Variants in ROBO2 observed in about 807,000 individuals in gnomAD.
The protein encoded by ROBO2 is roundabout guidance receptor 2.
In ROBO2, 53 loss-of-function variants were observed where a neutral mutation model predicts 160.8. The ratio of observed to expected loss-of-function variants is 0.33; its 90% CI spans 0.26 to 0.41. ROBO2 has a LOEUF of 0.41. Among genes scored for constraint, ROBO2 ranks in the 10% least tolerant of loss-of-function variants. The pLI is 1.00. For synonymous variants in ROBO2, 664 were observed against 611.7 expected, an observed-to-expected ratio of 1.09 and a Z score of -1.26; for missense variants, 1,577 against 1,722.4, an observed-to-expected ratio of 0.92 and a Z score of 1.49.
rs186486913 is a variant in ROBO2, at chr3:77,313,864, G to A, written c.389-163550G>A. ...CTCCCAAAGTGCTGGGATTACAGGT[G>A]TGAGCCACCGCCCCTGGCCAGGATC... On this transcript the variant is annotated intron_variant, in intron 2 of 25. Transcript: ENST00000461745. Among the ~76,000 whole-genome samples the A allele has an allele frequency of 2.1e-3, 316 of 152,276 alleles. 2 individuals carry two copies. The highest frequency in any genetic ancestry group is 7.3e-3 in the African/African-American group (302 of 41,552).
chr3:77,420,675 C>T (rs2077634336), intron 2 of ROBO2, among the ~76,000 whole-genome samples: 1 of 152,114 alleles, frequency 6.6e-6, no homozygotes, highest in African/African-American at 2.4e-5. Context: ...GTCAGATATT[C>T]ATATAGAAAA....
At chr3:77,488,393 C>T (rs1385368228) in intron 4 of ROBO2, among the ~76,000 whole-genome samples, 3 of 152,168 alleles carry the variant, frequency 2.0e-5, no homozygotes, top group South Asian at 2.1e-4. Flanking sequence ...AGTCAGCAAA[C>T]GACCCTTGAG....
chr3:77,014,120 A>G (rs1256403303), intron 2 of ROBO2, among the ~76,000 whole-genome samples: 5 of 152,158 alleles, frequency 3.3e-5, no homozygotes, highest in South Asian at 2.1e-4. Flanking sequence ...AAATCATTAC[A>G]GTTGTGTGAA....
chr3:77,060,996 T>G (rs1293251941), intron 1 of ROBO2, among the ~76,000 whole-genome samples: 1 of 151,954 alleles, frequency 6.6e-6, no homozygotes, highest in Non-Finnish European at 1.5e-5. Flanking sequence ...AAGACAGTGG[T>G]GCAATCATAG....
intron 2 of ROBO2, among the ~76,000 whole-genome samples, chr3:76,612,335 G>A (rs147308818): frequency 0.01 from 1,562 of 152,224 alleles, 29 homozygotes; most frequent in African/African-American, 0.031. Flanking sequence ...ATAATCTGTC[G>A]AATGCTGAGA....
chr3:77,260,513 T>G (rs934182405), intron 2 of ROBO2, among the ~76,000 whole-genome samples: 3 of 152,162 alleles, frequency 2.0e-5, no homozygotes, highest in Admixed American at 2.0e-4. Flanking sequence ...ATTTAGGGAA[T>G]TCCTCAAAGG....
intron 2 of ROBO2, among the ~76,000 whole-genome samples, chr3:77,277,944 T>C (rs2059998679): frequency 7.3e-6 from 1 of 136,950 alleles, no homozygotes; most frequent in Non-Finnish European, 1.7e-5. Flanking sequence ...AACATTTCTT[T>C]TTCTCTGCAA....
intron 2 of ROBO2, among the ~76,000 whole-genome samples, chr3:76,957,886 A>T (rs2079390591): frequency 6.6e-6 from 1 of 151,754 alleles, no homozygotes; most frequent in Non-Finnish European, 1.5e-5. Context: ...AATGAGCCTG[A>T]GGATGCTGTG....
Position 77,104,545 on chromosome 3 carries a change from T to C in ROBO2, c.388+6205T>C, listed in dbSNP as rs191974377. ...TTGCTATGGAAATTTTGATACACAT[T>C]TTTGTGTGCACATATGGTTTCATTT... On this transcript the variant is annotated intron_variant, in intron 2 of 25. Transcript: ENST00000461745. Among the ~76,000 whole-genome samples the C allele has an allele frequency of 9.2e-5, 14 of 152,308 alleles. No individual in the cohort carries two copies. The East Asian group carries it at 2.7e-3, about 29-fold the overall frequency.
intron 1 of ROBO2, among the ~76,000 whole-genome samples, chr3:77,088,162 G>T (rs975005399): frequency 3.3e-5 from 5 of 152,044 alleles, no homozygotes; most frequent in African/African-American, 1.2e-4. Context: ...AAAAAACAGG[G>T]GAAAAAGTGT....
chr3:77,461,780 T>A (rs1264805561), intron 2 of ROBO2, among the ~76,000 whole-genome samples: 1 of 151,478 alleles, frequency 6.6e-6, no homozygotes, highest in Non-Finnish European at 1.5e-5. Flanking sequence ...CAGGCTGGAG[T>A]GCAGTGGCAC....
At chr3:76,351,184 TATGCCAACATC>T (rs1208480655) in intron 2 of ROBO2, among the ~76,000 whole-genome samples, 3 of 151,978 alleles carry the variant, frequency 2.0e-5, no homozygotes, top group African/African-American at 7.2e-5. Context: ...AGTTTATCAT[TATGCCAACATC>T]ACATGTGGCT....
At chr3:75,991,456 C>G (rs1207405196) in intron 2 of ROBO2, among the ~76,000 whole-genome samples, 1 of 152,158 alleles carries the variant, frequency 6.6e-6, no homozygotes, top group Non-Finnish European at 1.5e-5. Flanking sequence ...CACACAAGCT[C>G]TCTCTTTGCC....
chr3:76,987,280 T>C (rs1213504546), intron 2 of ROBO2, among the ~76,000 whole-genome samples: 1 of 152,190 alleles, frequency 6.6e-6, no homozygotes, highest in Non-Finnish European at 1.5e-5. Flanking sequence ...ATCTCGGCCT[T>C]TTACAAAGAA....
chr3:76,015,102 A>G (rs1347224474), intron 2 of ROBO2, among the ~76,000 whole-genome samples: 1 of 152,162 alleles, frequency 6.6e-6, no homozygotes, highest in East Asian at 1.9e-4. Flanking sequence ...CTGTGGCTTT[A>G]AAAGTTTATA....
chr3:77,335,322 G>A (rs1269379675), intron 2 of ROBO2, among the ~76,000 whole-genome samples: 1 of 152,060 alleles, frequency 6.6e-6, no homozygotes, highest in Admixed American at 6.6e-5. Flanking sequence ...CACGAGAATC[G>A]CTTGAACCCG....
intron 1 of ROBO2, among the ~76,000 whole-genome samples, chr3:77,070,012 C>T (rs573819399): frequency 6.6e-6 from 1 of 152,034 alleles, no homozygotes; most frequent in South Asian, 2.1e-4. Flanking sequence ...GACTGGTGTC[C>T]TTATAAAAAG....
chr3:76,635,393 C>A (rs1161838728), intron 2 of ROBO2, among the ~76,000 whole-genome samples: 2 of 152,118 alleles, frequency 1.3e-5, no homozygotes, highest in African/African-American at 4.8e-5. Flanking sequence ...TTGCTTATAG[C>A]TTTGCTGGGG....
At chr3:76,876,020 C>T (rs940626075) in intron 2 of ROBO2, among the ~76,000 whole-genome samples, 6 of 151,944 alleles carry the variant, frequency 3.9e-5, no homozygotes, top group African/African-American at 1.2e-4. Context: ...CATAATGCCC[C>T]ATCTCAAGAT....
Sources: allele counts gnomAD v4.1 joint callset (sites outside exome capture counted in the v4.1 genomes callset), GRCh38; gene constraint gnomAD v4.1.1; transcripts MANE v1.5; gene names NCBI Gene and HGNC (gene_info 2026-07-23, HGNC 2026-07-21).